The following PHF21A variants were observed in gnomAD, a reference collection of about 807,000 sequenced individuals.
The protein encoded by PHF21A is BHC80a.
PHF21A carries 11 observed loss-of-function variants against 82.5 expected under a neutral mutation model. The ratio of observed to expected loss-of-function variants is 0.13; its 90% CI spans 0.08 to 0.22. The LOEUF is 0.22. Ranked by LOEUF, PHF21A falls within the 10% of genes least tolerant of loss-of-function variation. The pLI, the probability that PHF21A is intolerant of heterozygous loss-of-function variation, is 1.00. For missense variants in PHF21A, 579 were observed against 837.8 expected, an observed-to-expected ratio of 0.69 and a Z score of 3.81; for synonymous variants, 297 against 302.8, an observed-to-expected ratio of 0.98 and a Z score of 0.20.
chr11:45,939,332 G>A (rs1209965557), intron 15 of PHF21A, among the ~76,000 whole-genome samples: 3 of 152,116 alleles, frequency 2.0e-5, no homozygotes, highest in Non-Finnish European at 2.9e-5. Flanking sequence ...ATCAATTCTA[G>A]GGGGAGTTTA....
At chr11:45,999,123 G>A (rs991397535) in intron 6 of PHF21A, among the ~76,000 whole-genome samples, 4 of 152,076 alleles carry the variant, frequency 2.6e-5, no homozygotes, top group Non-Finnish European at 5.9e-5. Flanking sequence ...CACTGTGCCC[G>A]GCCAGAACCC....
At chr11:45,983,681 T>C (rs1426552459) in intron 6 of PHF21A, among the ~76,000 whole-genome samples, 1 of 152,134 alleles carries the variant, frequency 6.6e-6, no homozygotes. Context: ...TTGCTGTGCA[T>C]ATTAGCTGGC....
intron 6 of PHF21A, among the ~76,000 whole-genome samples, chr11:46,029,599 A>G (rs2095823615): frequency 6.6e-6 from 1 of 152,054 alleles, no homozygotes; most frequent in Non-Finnish European, 1.5e-5. Flanking sequence ...GAGGCAGGAG[A>G]ATCACTTGAA....
At chr11:46,076,926 C>T in intron 5 of PHF21A, 107 bp from the exon 6 acceptor site, 2 of 828,552 alleles carry the variant, frequency 2.4e-6, no homozygotes, top group Non-Finnish European at 4.0e-6. Context: ...CAACCCGAAG[C>T]ATTTAGCCAA....
At chr11:46,118,529 A>G (rs1171022908) in intron 1 of PHF21A, among the ~76,000 whole-genome samples, 1 of 152,252 alleles carries the variant, frequency 6.6e-6, no homozygotes, top group African/African-American at 2.4e-5. Context: ...ATAGTTGTAC[A>G]TCTACAAACG....
At chr11:45,948,240 C>A (rs537256096) in intron 14 of PHF21A, among the ~76,000 whole-genome samples, 1 of 152,204 alleles carries the variant, frequency 6.6e-6, no homozygotes, top group Non-Finnish European at 1.5e-5. Flanking sequence ...AGAGACACTG[C>A]TGCTGCTACT....
At chr11:46,021,200 C>T (rs1489686370) in intron 6 of PHF21A, among the ~76,000 whole-genome samples, 7 of 151,980 alleles carry the variant, frequency 4.6e-5, no homozygotes, top group African/African-American at 1.7e-4. Context: ...GCTGGAACTA[C>T]AGGTGCAAGC....
intron 1 of PHF21A, among the ~76,000 whole-genome samples, chr11:46,103,494 C>T (rs2097122034): frequency 6.6e-6 from 1 of 152,064 alleles, no homozygotes; most frequent in African/African-American, 2.4e-5. Flanking sequence ...TTTTAAAAAA[C>T]TCGTTGGAAT....
At chr11:46,088,159 T>G (rs987302583) in intron 3 of PHF21A, among the ~76,000 whole-genome samples, 1 of 152,212 alleles carries the variant, frequency 6.6e-6, no homozygotes, top group African/African-American at 2.4e-5. Flanking sequence ...TTGTAAAAGA[T>G]GATTTAACAT....
At chr11:45,958,474 A>G (rs1190807811) in intron 10 of PHF21A, among the ~76,000 whole-genome samples, 4 of 137,360 alleles carry the variant, frequency 2.9e-5, no homozygotes, top group Non-Finnish European at 6.2e-5. Flanking sequence ...ACACACATAT[A>G]TATTAGCCAG....
At chr11:46,074,460 G>C (rs1055362755) in intron 6 of PHF21A, among the ~76,000 whole-genome samples, 1 of 139,716 alleles carries the variant, frequency 7.2e-6, no homozygotes, top group Admixed American at 7.4e-5. Flanking sequence ...TCTTTTGGCG[G>C]GAGGGGGGAA....
chr11:46,079,250 A>G, intron 4 of PHF21A, 84 bp from the exon 5 acceptor site: 1 of 933,198 alleles, frequency 1.1e-6, no homozygotes, highest in Admixed American at 2.3e-5. Context: ...AAAATCTAGG[A>G]TTTTAAGTTA....
chr11:46,086,724 T>G (rs1011610922), intron 3 of PHF21A, among the ~76,000 whole-genome samples: 1 of 152,326 alleles, frequency 6.6e-6, no homozygotes, highest in East Asian at 1.9e-4. Flanking sequence ...AAGTTGAAGG[T>G]GTATTTTTCA....
Position 45,933,844 on chromosome 11 carries a change from C to A in PHF21A, c.*124G>T, listed in dbSNP as rs1018924407. 13 of 960,040 alleles carry A rather than the reference C, an allele frequency of 1.4e-5. No individual in the cohort carries two copies. The Admixed American group carries it at 3.6e-4, about 27-fold the overall frequency. The allele number at this position is 960,040 out of a possible 1,614,324, so 59.5% of individuals were successfully genotyped here. A position where few individuals can be genotyped will look rare whatever the true frequency, so the allele number is the denominator to read the frequency against. The stretch of plus-strand genomic sequence containing the variant: ...CACCTGGCACAAGCATCTTCTCTCT[C>A]TCTGGAACCAAAGAACCAAAAGAAT... On this transcript the variant is annotated 3_prime_UTR_variant, in exon 19 of 19. Transcript: ENST00000676320.
intron 7 of PHF21A, among the ~76,000 whole-genome samples, chr11:45,973,684 A>G (rs886548648): frequency 6.6e-6 from 1 of 152,236 alleles, no homozygotes; most frequent in African/African-American, 2.4e-5. Flanking sequence ...TGACTGCATT[A>G]TCAGCAATTT....
intron 1 of PHF21A, among the ~76,000 whole-genome samples, chr11:46,101,896 G>A (rs2097101227): frequency 6.9e-6 from 1 of 145,874 alleles, no homozygotes; most frequent in Admixed American, 6.9e-5. Context: ...GTCTCGCTCT[G>A]TCGCCAGGCT....
rs61505607 is a variant in PHF21A, at chr11:45,930,905, G to GCCCCCCCC, written c.*3055_*3062dup. ...GAGCGTATGTCTCAGGTGGTCACAG[G>GCCCCCCCC]CCCCCCCCCCTCCCCGCCCAGGTCT... On this transcript the variant is annotated 3_prime_UTR_variant, in exon 19 of 19. Transcript: ENST00000676320. 9.6e-5 allele frequency: 13 copies of GCCCCCCCC among 135,626 alleles called. No individual in the cohort carries two copies. Among genetic ancestry groups the GCCCCCCCC allele is most frequent in the East Asian group, 2.2e-4 (1 of 4,468 alleles). The allele number at this position is 135,626 out of a possible 1,614,324, so 8.4% of individuals were successfully genotyped here.
In PHF21A at chr11:45,935,733, T is replaced by C; in HGVS notation, c.1691A>G (p.Glu564Gly). Residue 564 changes from glutamate (E) to glycine (G), a missense_variant, in exon 18 of 19, where the codon GAA becomes GGA. By Grantham distance (98) the Glu-to-Gly change is moderately conservative. Transcript: ENST00000676320. Reference sequence around the variant, plus strand: ...TTTAAGTAACTTCTGTTTCTCTTCTTCTTTTGCTAAAAAAAAAAAAAAAAA... The same window carrying C: ...TTTAAGTAACTTCTGTTTCTCTTCTCCTTTTGCTAAAAAAAAAAAAAAAAA... Reference protein sequence around the residue: ...HSYIAYKAAKEEEKQKLLKWS... With the variant: ...HSYIAYKAAKGEEKQKLLKWS... 2 of 1,067,446 alleles carry C rather than the reference T, an allele frequency of 1.9e-6. No individual in the cohort carries two copies. Among genetic ancestry groups the C allele is most frequent in the Non-Finnish European group, 2.7e-6 (2 of 732,302 alleles). The allele number at this position is 1,067,446 out of a possible 1,614,324, so 66.1% of individuals were successfully genotyped here. A position where few individuals can be genotyped will look rare whatever the true frequency, so the allele number is the denominator to read the frequency against.
intron 1 of PHF21A, among the ~76,000 whole-genome samples, chr11:46,112,648 A>G (rs1056749214): frequency 1.3e-5 from 2 of 152,232 alleles, no homozygotes; most frequent in African/African-American, 4.8e-5. Context: ...TAAAGCGTAC[A>G]GATATTCAAG....
Sources: allele counts gnomAD v4.1 joint callset (sites outside exome capture counted in the v4.1 genomes callset), GRCh38; gene constraint gnomAD v4.1.1; transcripts MANE v1.5; gene names NCBI Gene and HGNC (gene_info 2026-07-23, HGNC 2026-07-21).